CYYR1: variants seen among roughly 807,000 people sequenced by gnomAD.
CYYR1 encodes cysteine and tyrosine-rich protein 1.
In CYYR1, 14 loss-of-function variants were observed where a neutral mutation model predicts 15.2. The observed-to-expected ratio is 0.92, with a 90% confidence interval of 0.61 to 1.44. The LOEUF (loss-of-function observed/expected upper bound fraction) is 1.44. Among genes scored for constraint, CYYR1 ranks in the 40% most tolerant of loss-of-function variants. The pLI, the probability that CYYR1 is intolerant of heterozygous loss-of-function variation, is 0.00. For missense variants in CYYR1, 228 were observed against 209.5 expected, an observed-to-expected ratio of 1.09 and a Z score of -0.54; for synonymous variants, 80 against 77.4, an observed-to-expected ratio of 1.03 and a Z score of -0.18.
chr21:26,545,592 T>TTTTC lies in CYYR1; in HGVS notation c.176+20673_176+20674insGAAA. 1.4e-5 allele frequency among the ~76,000 whole-genome samples: 2 copies of TTTTC among 143,742 alleles called. 1 individual carries two copies. Among genetic ancestry groups the TTTTC allele is most frequent in the East Asian group, 4.0e-4 (2 of 4,942 alleles). The allele number at this position is 143,742 out of a possible 152,430, so 94.3% of individuals were successfully genotyped here. On this transcript the variant is annotated intron_variant, in intron 2 of 3. Transcript: ENST00000652641. ...CTTTTTTTTTTTTTTTTTTTTTTTT[T>TTTTC]TGAGACGGAGTCTCGCCCAGGCTGG... is the stretch of plus-strand genomic sequence containing the variant.
intron 2 of CYYR1, chr21:26,482,604 G>C (rs1263773794): frequency 2.4e-5 from 17 of 694,124 alleles, no homozygotes; most frequent in Non-Finnish European, 2.8e-5. Context: ...CGACTCAAAG[G>C]AAAGTAGATT....
intron 2 of CYYR1, among the ~76,000 whole-genome samples, chr21:26,486,422 A>G (rs4817120): frequency 0.5 from 75,244 of 151,724 alleles, 19,588 homozygotes; most frequent in Non-Finnish European, 0.58. Context: ...CCTATGATCT[A>G]TTTTTGTTTA....
intron 2 of CYYR1, among the ~76,000 whole-genome samples, chr21:26,545,606 C>T (rs1157261102): frequency 5.6e-5 from 6 of 108,056 alleles, no homozygotes; most frequent in African/African-American, 1.8e-4. Flanking sequence ...GACGGAGTCT[C>T]GCCCAGGCTG....
At chr21:26,507,077 G>C (rs890773867) in intron 2 of CYYR1, among the ~76,000 whole-genome samples, 1 of 152,168 alleles carries the variant, frequency 6.6e-6, no homozygotes, top group African/African-American at 2.4e-5. Flanking sequence ...GCTGTGATTT[G>C]CACTTGAGTA....
In CYYR1 at chr21:26,561,086, C is replaced by A. The variant is rs537740135; in HGVS notation, c.176+5180G>T. 1.6e-4 allele frequency among the ~76,000 whole-genome samples: 25 copies of A among 152,222 alleles called. No individual in the cohort carries two copies. In the South Asian group the frequency reaches 5.0e-3, roughly 30 times the overall value. ...TTTTAATACAATAACTCATAGAATG[C>A]AAATATACATTTGAAAATCACTGAC... On this transcript the variant is annotated intron_variant, in intron 2 of 3. Coordinates refer to ENST00000652641, the MANE Select transcript of CYYR1 (RefSeq NM_001320768.2).
intron 2 of CYYR1, among the ~76,000 whole-genome samples, chr21:26,545,223 T>C (rs1464151542): frequency 6.6e-5 from 10 of 152,194 alleles, no homozygotes; most frequent in Non-Finnish European, 1.0e-4. Context: ...AGGTTCAATT[T>C]TCTCATGTAT....
chr21:26,495,366 T>G (rs766022197), intron 2 of CYYR1, among the ~76,000 whole-genome samples: 1 of 152,152 alleles, frequency 6.6e-6, no homozygotes, highest in Non-Finnish European at 1.5e-5. Context: ...TGCGCTAGGC[T>G]CTACATTTCC....
intron 2 of CYYR1, among the ~76,000 whole-genome samples, chr21:26,491,113 GCCAAATAGA>G (rs886169534): frequency 4.6e-5 from 7 of 150,694 alleles, no homozygotes; most frequent in African/African-American, 7.3e-5. Flanking sequence ...ATAAACTAGA[GCCAAATAGA>G]TACAGCTACT....
chr21:26,503,986 C>T (rs1400289776), intron 2 of CYYR1, among the ~76,000 whole-genome samples: 3 of 151,886 alleles, frequency 2.0e-5, no homozygotes, highest in Non-Finnish European at 2.9e-5. Flanking sequence ...TTCTCTGTGG[C>T]CCAAAGGAAT....
chr21:26,513,955 C>T (rs995287901), intron 2 of CYYR1, among the ~76,000 whole-genome samples: 1 of 151,040 alleles, frequency 6.6e-6, no homozygotes, highest in Non-Finnish European at 1.5e-5. Flanking sequence ...AGGAGATATA[C>T]CTAATGTAAA....
At chr21:26,500,406 T>C (rs950145399) in intron 2 of CYYR1, among the ~76,000 whole-genome samples, 1 of 152,044 alleles carries the variant, frequency 6.6e-6, no homozygotes, top group Non-Finnish European at 1.5e-5. Flanking sequence ...GGAAGGGCAA[T>C]GGGCCACAAT....
intron 2 of CYYR1, among the ~76,000 whole-genome samples, chr21:26,542,414 C>T (rs535931675): frequency 6.6e-6 from 1 of 151,564 alleles, no homozygotes; most frequent in African/African-American, 2.4e-5. Flanking sequence ...CCTAAACATG[C>T]GATCATTTCA....
intron 3 of CYYR1, among the ~76,000 whole-genome samples, chr21:26,479,523 C>T (rs2065145290): frequency 6.6e-6 from 1 of 152,122 alleles, no homozygotes; most frequent in Non-Finnish European, 1.5e-5. Flanking sequence ...ACTTAGAAAG[C>T]ATTATTGAAA....
intron 2 of CYYR1, among the ~76,000 whole-genome samples, chr21:26,552,631 A>T: frequency 6.6e-6 from 1 of 152,156 alleles, no homozygotes; most frequent in South Asian, 2.1e-4. Flanking sequence ...GATTTTGACT[A>T]TATTACTCTG....
chr21:26,529,279 CT>C (rs1313072789), intron 2 of CYYR1, among the ~76,000 whole-genome samples: 1 of 152,108 alleles, frequency 6.6e-6, no homozygotes, highest in Admixed American at 6.6e-5. Context: ...ACATATGTTT[CT>C]TTTGCATCTT....
At chr21:26,568,402 T>C (rs1429014337) in intron 1 of CYYR1, 6 of 152,146 alleles carry the variant, frequency 3.9e-5, no homozygotes, top group Non-Finnish European at 8.8e-5. Context: ...GATAACCAGT[T>C]GGCCATACAC....
In CYYR1 at chr21:26,573,042, G is replaced by C. The variant is rs777761841; in HGVS notation, c.-102C>G. The C allele has an allele frequency of 5.0e-6, 8 of 1,593,340 alleles. No homozygotes were observed. The highest frequency in any genetic ancestry group is 1.8e-5 in the Admixed American group (1 of 56,828). The stretch of plus-strand genomic sequence containing the variant: ...GATGGAGAGAGCAGCGCTCCTGAGA[G>C]CCGGGTGGAGCAGAGACCCGGCCAT... On this transcript the variant is annotated 5_prime_UTR_variant, in exon 1 of 4. Coordinates refer to ENST00000652641, the MANE Select transcript of CYYR1 (RefSeq NM_001320768.2).
intron 1 of CYYR1, among the ~76,000 whole-genome samples, chr21:26,571,008 G>C (rs536707688): frequency 6.6e-6 from 1 of 152,306 alleles, no homozygotes; most frequent in Admixed American, 6.5e-5. Context: ...TTGTCCTCAT[G>C]AAGCTTACTC....
intron 2 of CYYR1, among the ~76,000 whole-genome samples, chr21:26,536,349 A>G (rs1978301597): frequency 6.6e-6 from 1 of 152,204 alleles, no homozygotes; most frequent in Non-Finnish European, 1.5e-5. Flanking sequence ...CTTTTCCACG[A>G]GATGCTTTAT....
Sources: gnomAD v4.1 joint callset for allele counts (sites outside exome capture counted in the v4.1 genomes callset) on GRCh38, gnomAD v4.1.1 for gene constraint, MANE v1.5 for transcripts, NCBI Gene and HGNC (gene_info 2026-07-23, HGNC 2026-07-21) for gene names.